CORO2A: variants seen among roughly 807,000 people sequenced by gnomAD.
The protein encoded by CORO2A is coronin-2A.
In CORO2A, 47 loss-of-function variants were observed where a neutral mutation model predicts 62.4. The observed-to-expected ratio is 0.75, with a 90% CI of 0.60 to 0.96. The LOEUF is 0.96. CORO2A is among the 40% of genes least tolerant of loss of function. The probability of loss-of-function intolerance (pLI) is 0.00; values close to 1 mark genes in which losing one functional copy is unlikely to be tolerated. For synonymous variants in CORO2A, 273 were observed against 268.9 expected (o/e 1.02, Z -0.15); for missense variants, 610 against 684.1 (o/e 0.89, Z 1.21).
At chr9:98,170,343 C>A (rs1482216812) in intron 1 of CORO2A, among the ~76,000 whole-genome samples, 2 of 152,256 alleles carry the variant, frequency 1.3e-5, no homozygotes, top group African/African-American at 4.8e-5. Flanking sequence ...ACACCAGCAG[C>A]TTCTTCTGAA....
rs895977278 is a variant in CORO2A at position 98,190,127 on chromosome 9, C to T, written c.-1+2432G>A. 2.0e-5 allele frequency among the ~76,000 whole-genome samples: 3 copies of T among 152,144 alleles called. No individual in the cohort carries two copies. In the East Asian group the frequency reaches 5.8e-4, roughly 29 times the overall value. On this transcript the variant is annotated intron_variant, in intron 1 of 11. Transcript: ENST00000375077. Reference sequence around the variant, plus strand: ...CTCAAACTCTAGACCTCAGGTGATCCGCCCACCTTGGCCTCCTAAAGTGCT... The same window carrying T: ...CTCAAACTCTAGACCTCAGGTGATCTGCCCACCTTGGCCTCCTAAAGTGCT...
intron 1 of CORO2A, among the ~76,000 whole-genome samples, chr9:98,185,831 C>G (rs1172721883): frequency 6.6e-6 from 1 of 152,242 alleles, no homozygotes; most frequent in Non-Finnish European, 1.5e-5. Context: ...CACTCAGTGT[C>G]TGAGATGGGG....
chr9:98,186,148 C>T (rs1356912532), intron 1 of CORO2A, among the ~76,000 whole-genome samples: 1 of 152,220 alleles, frequency 6.6e-6, no homozygotes, highest in Non-Finnish European at 1.5e-5. Context: ...AAATGCTCAG[C>T]TCCCGATTTC....
At chr9:98,163,569 G>A (rs1827915593) in intron 1 of CORO2A, among the ~76,000 whole-genome samples, 1 of 152,168 alleles carries the variant, frequency 6.6e-6, no homozygotes, top group African/African-American at 2.4e-5. Flanking sequence ...CCCATTTGAT[G>A]ATGGGAAAAC....
chr9:98,152,126 G>GTTTTTT (rs3055383), intron 2 of CORO2A, among the ~76,000 whole-genome samples: 10 of 142,118 alleles, frequency 7.0e-5, no homozygotes, highest in African/African-American at 2.6e-4. Context: ...CTCTTTTGCT[G>GTTTTTT]TTTTTTTTTT....
chr9:98,123,212 C>G lies in CORO2A; in HGVS notation c.*1562G>C, dbSNP rs1404120595. The G allele has an allele frequency of 2.0e-5, 3 of 152,126 alleles. No homozygotes were observed. Among genetic ancestry groups the G allele is most frequent in the African/African-American group, 7.2e-5 (3 of 41,430 alleles). 9.4% of individuals were successfully genotyped at this position (152,126 alleles called of 1,614,324 possible). On this transcript the variant is annotated 3_prime_UTR_variant, in exon 12 of 12. Transcript: ENST00000375077. The stretch of plus-strand genomic sequence containing the variant: ...TTTGGGCTGAGAACTGCATCAGACC[C>G]AAAAGAGCAAAAAGACAGACCCAGA...
At chr9:98,165,714 T>C (rs1370214617) in intron 1 of CORO2A, among the ~76,000 whole-genome samples, 6 of 152,238 alleles carry the variant, frequency 3.9e-5, no homozygotes, top group Admixed American at 3.9e-4. Context: ...AAGCTTCCAG[T>C]GCATGTGATT....
chr9:98,149,362 T>C (rs1212107712), intron 2 of CORO2A, among the ~76,000 whole-genome samples: 3 of 152,228 alleles, frequency 2.0e-5, no homozygotes, highest in African/African-American at 7.2e-5. Flanking sequence ...ATCTGTGTTG[T>C]AACACTAAAG....
At chr9:98,144,326 C>T (rs1479689061) in intron 2 of CORO2A, among the ~76,000 whole-genome samples, 1 of 152,172 alleles carries the variant, frequency 6.6e-6, no homozygotes, top group Non-Finnish European at 1.5e-5. Flanking sequence ...ACAAGAATTC[C>T]CCATTTACAA....
Position 98,154,362 on chromosome 9 carries a change from C to CATAT in CORO2A, c.201+3094_201+3097dup, listed in dbSNP as rs71308247. On this transcript the variant is annotated intron_variant, in intron 2 of 11. Transcript: ENST00000375077. ...ATATATATATATATATACACAAATA[C>CATAT]ATATATATATATATTTTAAATATAT... 3.0e-4 allele frequency among the ~76,000 whole-genome samples: 26 copies of CATAT among 87,826 alleles called. No individual in the cohort carries two copies. The East Asian group carries it at 0.011, about 36-fold the overall frequency. 57.6% of individuals were successfully genotyped at this position (87,826 alleles called of 152,430 possible).
intron 2 of CORO2A, among the ~76,000 whole-genome samples, chr9:98,148,406 A>AC (rs1244424453): frequency 6.7e-6 from 1 of 150,288 alleles, no homozygotes; most frequent in Non-Finnish European, 1.5e-5. Context: ...AAAAAAAAAA[A>AC]AAAATAAGAT....
intron 2 of CORO2A, among the ~76,000 whole-genome samples, chr9:98,154,753 A>T (rs986100728): frequency 4.6e-5 from 7 of 152,328 alleles, no homozygotes; most frequent in African/African-American, 1.7e-4. Context: ...TGACTCAACC[A>T]TGTTGTTGTA....
At chr9:98,181,438 A>G (rs1828176409) in intron 1 of CORO2A, among the ~76,000 whole-genome samples, 1 of 151,086 alleles carries the variant, frequency 6.6e-6, no homozygotes, top group Non-Finnish European at 1.5e-5. Flanking sequence ...AGTCTCCCAA[A>G]GTGCTAGGAT....
rs56931336 is a variant in CORO2A at position 98,156,049 on chromosome 9, A to ATTTTTTTTT, written c.201+1402_201+1410dup. On this transcript the variant is annotated intron_variant, in intron 2 of 11. Coordinates refer to ENST00000375077, the MANE Select transcript of CORO2A (RefSeq NM_052820.4). ...GTTTATTCTGCTGCTCTTTGTTTGA[A>ATTTTTTTTT]TTTTTTTTTTTTTTTTTTTGAGACA... Among the ~76,000 whole-genome samples the ATTTTTTTTT allele has an allele frequency of 2.5e-5, 3 of 119,060 alleles. 1 individual carries two copies. Among genetic ancestry groups the ATTTTTTTTT allele is most frequent in the Non-Finnish European group, 5.2e-5 (3 of 58,038 alleles). The allele number at this position is 119,060 out of a possible 152,430, so 78.1% of individuals were successfully genotyped here.
intron 1 of CORO2A, among the ~76,000 whole-genome samples, chr9:98,172,202 T>A (rs1406912047): frequency 6.7e-6 from 1 of 148,442 alleles, no homozygotes; most frequent in African/African-American, 2.5e-5. Flanking sequence ...ACCCCACTTC[T>A]GAGCTCGGCA....
At chr9:98,176,887 C>A (rs942291307) in intron 1 of CORO2A, among the ~76,000 whole-genome samples, 18 of 152,324 alleles carry the variant, frequency 1.2e-4, no homozygotes, top group Middle Eastern at 6.8e-3. Flanking sequence ...GGTCTCCAGC[C>A]TCCCAGTCCA....
Position 98,134,789 on chromosome 9 carries a change from A to G in CORO2A, c.468+17T>C, listed in dbSNP as rs1827460984. ...AACTTGTTGGGGCTGCCCCAGAGAA[A>G]GAATACCCAGACTCACCTTGTAGTC... On this transcript the variant is annotated intron_variant, in intron 4 of 11. Transcript: ENST00000375077. 2 of 1,590,276 alleles carry G rather than the reference A, an allele frequency of 1.3e-6. No individual in the cohort carries two copies. The highest frequency in any genetic ancestry group is 1.1e-5 in the South Asian group (1 of 88,800).
At chr9:98,128,406 G>T in intron 9 of CORO2A, 146 bp from the exon 10 acceptor site, 1 of 797,522 alleles carries the variant, frequency 1.3e-6, no homozygotes, top group Non-Finnish European at 2.1e-6. Flanking sequence ...CTTGCCCGAG[G>T]TCACGCAGCA....
intron 2 of CORO2A, among the ~76,000 whole-genome samples, chr9:98,152,239 T>C (rs1391757196): frequency 2.0e-5 from 3 of 152,068 alleles, no homozygotes; most frequent in Admixed American, 6.6e-5. Context: ...AAGTTACATT[T>C]TTCTAGTCTT....
Sources: gnomAD v4.1 joint callset for allele counts (sites outside exome capture counted in the v4.1 genomes callset) on GRCh38, gnomAD v4.1.1 for gene constraint, MANE v1.5 for transcripts, NCBI Gene and HGNC (gene_info 2026-07-23, HGNC 2026-07-21) for gene names.